Variants in PLA2G5 observed in about 807,000 individuals in gnomAD.
PLA2G5 encodes the protein Ca2+-dependent phospholipase A2.
A neutral mutation model predicts 15.9 loss-of-function variants in PLA2G5; 12 were observed. The observed-to-expected ratio is 0.76, with a 90% CI of 0.48 to 1.23. The LOEUF (loss-of-function observed/expected upper bound fraction) is 1.23. PLA2G5 is among the 50% of genes most tolerant of loss of function. The pLI, the probability that PLA2G5 is intolerant of heterozygous loss-of-function variation, is 0.00. For missense variants in PLA2G5, 169 were observed against 177.1 expected (o/e 0.95, Z 0.26); for synonymous variants, 71 against 71.4 (o/e 0.99, Z 0.03).
At chr1:20,051,818 T>C (rs2014189879) in intron 1 of PLA2G5, among the ~76,000 whole-genome samples, 1 of 152,126 alleles carries the variant, frequency 6.6e-6, no homozygotes, top group Non-Finnish European at 1.5e-5. Flanking sequence ...GTTCCTGACC[T>C]GAGGTAAGTA....
chr1:20,056,300 A>C (rs1175339367), intron 1 of PLA2G5, among the ~76,000 whole-genome samples: 7 of 151,120 alleles, frequency 4.6e-5, no homozygotes, highest in Non-Finnish European at 8.8e-5. Context: ...CCACTCCCTC[A>C]AGGGCAGGTG....
rs1057411414 is a variant in PLA2G5 at position 20,091,052 on chromosome 1, G to A, written c.*360G>A. On this transcript the variant is annotated 3_prime_UTR_variant, in exon 5 of 5. Coordinates refer to ENST00000375108, the MANE Select transcript of PLA2G5 (RefSeq NM_000929.3). ...GATGCACTTACTTCTCAGCTTCTGC[G>A]ATCAGATTATCATCACCACCACCCT... 2 of 191,666 alleles carry A rather than the reference G, an allele frequency of 1.0e-5. No individual in the cohort carries two copies. Among genetic ancestry groups the A allele is most frequent in the African/African-American group, 2.3e-5 (1 of 42,912 alleles). 11.9% of individuals were successfully genotyped at this position (191,666 alleles called of 1,614,324 possible).
chr1:20,043,656 C>T (rs2013736003), intron 1 of PLA2G5, among the ~76,000 whole-genome samples: 1 of 151,970 alleles, frequency 6.6e-6, no homozygotes, highest in Non-Finnish European at 1.5e-5. Context: ...ATGTCTCAGC[C>T]TAATAAGGGA....
intron 1 of PLA2G5, among the ~76,000 whole-genome samples, chr1:20,045,658 G>A (rs771997090): frequency 5.9e-5 from 9 of 152,192 alleles, no homozygotes; most frequent in Non-Finnish European, 7.4e-5. Flanking sequence ...AATGTGAGAA[G>A]TTCCTTGGGC....
At chr1:20,067,822 T>A (rs1478924815), upstream of PLA2G5, among the ~76,000 whole-genome samples, 2 of 150,464 alleles carry the variant, frequency 1.3e-5, no homozygotes, top group Non-Finnish European at 3.0e-5. Flanking sequence ...AAGAAAACAT[T>A]AAAATCAGAG....
At chr1:20,084,991 A>G in intron 2 of PLA2G5, 121 bp downstream of exon 2, 1 of 768,250 alleles carries the variant, frequency 1.3e-6, no homozygotes, top group South Asian at 1.4e-5. Flanking sequence ...CTCTGCACTG[A>G]CTGCATAGAC....
intron 1 of PLA2G5, chr1:20,054,813 C>T (rs1361889093): frequency 6.6e-6 from 1 of 152,014 alleles, no homozygotes; most frequent in African/African-American, 2.4e-5. Context: ...GGACAGATTC[C>T]TAGAAGTGGG....
chr1:20,050,639 C>T (rs184290473), intron 1 of PLA2G5, among the ~76,000 whole-genome samples: 1 of 152,178 alleles, frequency 6.6e-6, no homozygotes, highest in Non-Finnish European at 1.5e-5. Flanking sequence ...ATTTAATTGG[C>T]TTCATGCTGT....
At chr1:20,055,310 G>C (rs989310440) in intron 1 of PLA2G5, among the ~76,000 whole-genome samples, 2 of 152,174 alleles carry the variant, frequency 1.3e-5, no homozygotes, top group Non-Finnish European at 2.9e-5. Context: ...AGATTAGAGT[G>C]GGCCAACAGG....
chr1:20,049,714 C>A (rs1003861789), intron 1 of PLA2G5, among the ~76,000 whole-genome samples: 1 of 152,184 alleles, frequency 6.6e-6, no homozygotes, highest in Non-Finnish European at 1.5e-5. Context: ...GCCTCCCCAG[C>A]CATATGGAAC....
chr1:20,070,188 A>G (rs910804180), upstream of PLA2G5: 38 of 985,286 alleles, frequency 3.9e-5, no homozygotes, highest in Non-Finnish European at 4.2e-5. Context: ...CTGCCTCTGC[A>G]AAGGCAGTCG....
At chr1:20,069,625 C>T (rs1021220648), upstream of PLA2G5, among the ~76,000 whole-genome samples, 3 of 151,606 alleles carry the variant, frequency 2.0e-5, no homozygotes, top group African/African-American at 4.9e-5. Context: ...TGCACCACTG[C>T]ACTCCAGCCT....
intron 1 of PLA2G5, among the ~76,000 whole-genome samples, chr1:20,041,864 C>A (rs1476459461): frequency 6.6e-6 from 1 of 152,138 alleles, no homozygotes; most frequent in Non-Finnish European, 1.5e-5. Context: ...AGTTGGAACG[C>A]TAGGTGCTTC....
intron 1 of PLA2G5, chr1:20,076,626 G>A (rs1170027390): frequency 2.0e-5 from 3 of 152,288 alleles, no homozygotes; most frequent in South Asian, 2.1e-4. Context: ...AATGCCCCAT[G>A]AGATTTTGTG....
intron 1 of PLA2G5, chr1:20,070,987 A>G (rs1264489942): frequency 1.3e-5 from 2 of 151,932 alleles, no homozygotes. Flanking sequence ...CCCTTCCTCC[A>G]TCTCTCCCTC....
chr1:20,086,207 C>T lies in PLA2G5; in HGVS notation c.165C>T (p.Thr55=). The part of the protein sequence containing the change: ...GCYCGWGGRG[T]PKDGTDWCCW... Reference sequence around the variant, plus strand: ...ACTGCGGCTGGGGCGGCCGAGGAACCCCCAAGGATGGCACCGATTGGTGAG... The same window carrying T: ...ACTGCGGCTGGGGCGGCCGAGGAACTCCCAAGGATGGCACCGATTGGTGAG... Residue 55 remains threonine (T), a synonymous_variant, in exon 3 of 5, where the codon ACC becomes ACT. Coordinates refer to ENST00000375108, the MANE Select transcript of PLA2G5 (RefSeq NM_000929.3). 1.2e-6 allele frequency: 2 copies of T among 1,614,132 alleles called. No individual in the cohort carries two copies. The highest frequency in any genetic ancestry group is 1.7e-6 in the Non-Finnish European group (2 of 1,180,010).
At chr1:20,076,773 T>G (rs1230429662) in intron 1 of PLA2G5, 1 of 152,086 alleles carries the variant, frequency 6.6e-6, no homozygotes, top group East Asian at 1.9e-4. Context: ...AATGCCAGAG[T>G]GGACAGCATA....
chr1:20,084,955 C>T lies in PLA2G5; in HGVS notation c.40+85C>T, dbSNP rs141839527. On this transcript the variant is annotated intron_variant, in intron 2 of 4. Coordinates refer to ENST00000375108, the MANE Select transcript of PLA2G5 (RefSeq NM_000929.3). ...TGAAAAGGACACCAGCCATTGAGGT[C>T]GTAGAGACTTGGGTTTGAATCTCGG... is the stretch of plus-strand genomic sequence containing the variant. 1.1e-4 allele frequency: 105 copies of T among 941,332 alleles called. 1 individual carries two copies. The African/African-American group carries it at 1.4e-3, about 12-fold the overall frequency. The allele number at this position is 941,332 out of a possible 1,614,324, so 58.3% of individuals were successfully genotyped here. A position where few individuals can be genotyped will look rare whatever the true frequency, so the allele number is the denominator to read the frequency against.
upstream of PLA2G5, chr1:20,069,033 G>A (rs1226981900): frequency 3.4e-6 from 3 of 891,626 alleles, no homozygotes; most frequent in Non-Finnish European, 4.8e-6. Flanking sequence ...TGGCCATAAG[G>A]TGTGTGTAAA....
Sources: gnomAD v4.1 joint callset for allele counts (sites outside exome capture counted in the v4.1 genomes callset) on GRCh38, gnomAD v4.1.1 for gene constraint, MANE v1.5 for transcripts, NCBI Gene and HGNC (gene_info 2026-07-23, HGNC 2026-07-21) for gene names.